The following TMED1 variants were observed in gnomAD, a reference collection of about 807,000 sequenced individuals.
The protein encoded by TMED1 is transmembrane emp24 domain-containing protein 1.
In TMED1, 20 loss-of-function variants were observed where a neutral mutation model predicts 21.2. The observed-to-expected ratio is 0.95, with a 90% confidence interval of 0.67 to 1.37. The LOEUF (loss-of-function observed/expected upper bound fraction) is 1.37. Among genes scored for constraint, TMED1 ranks in the 40% most tolerant of loss-of-function variants. The probability of loss-of-function intolerance (pLI) is 0.00; values close to 1 mark genes in which losing one functional copy is unlikely to be tolerated. For missense variants in TMED1, 316 were observed against 309.8 expected (o/e 1.02, Z -0.15); for synonymous variants, 149 against 134.7 (o/e 1.11, Z -0.74).
Position 10,833,046 on chromosome 19 carries a change from C to G in TMED1, c.633G>C (p.Gln211His). The change falls in exon 4 of 4, where the codon CAG becomes CAC. Residue 211 changes from glutamine to histidine, a missense_variant. Transcript: ENST00000214869. ...VAVLLLVAVL[Q>H]VCTLKRFFQD... ...GGAAGAAGCGCTTGAGCGTGCAGAC[C>G]TGCAGCACAGCCACCAGCAGCAGCA... 6.2e-7 allele frequency: 1 copy of G among 1,613,880 alleles called. No individual in the cohort carries two copies. The highest frequency in any genetic ancestry group is 8.5e-7 in the Non-Finnish European group (1 of 1,180,048).
In TMED1 at chr19:10,833,221, G is replaced by T. The variant is rs1225882799; in HGVS notation, c.466-8C>A. ...CATGGTCTCAATGGACTCCTACAGG[G>T]CAGCGGGAGGGGAAGGGTCAGGCCT... On this transcript the variant is annotated splice_polypyrimidine_tract_variant and splice_region_variant and intron_variant, in intron 3 of 3. Transcript: ENST00000214869. 1 of 1,605,668 alleles carries T rather than the reference G, an allele frequency of 6.2e-7. No individual in the cohort carries two copies. The highest frequency in any genetic ancestry group is 2.2e-5 in the East Asian group (1 of 44,500).
intron 3 of TMED1, 119 bp from the exon 4 acceptor site, chr19:10,833,332 C>G (rs202192120): frequency 3.7e-6 from 3 of 810,378 alleles, no homozygotes; most frequent in East Asian, 5.4e-5. Flanking sequence ...CAGCTGCAAA[C>G]ACAGACTTGT....
At chr19:10,835,433 A>C in intron 1 of TMED1, 80 bp from the exon 2 acceptor site, 1 of 1,581,342 alleles carries the variant, frequency 6.3e-7, no homozygotes, top group Non-Finnish European at 8.6e-7. Flanking sequence ...CTGAACCAAC[A>C]CTGATCAATA....
rs1599650188 is a variant in TMED1, at chr19:10,836,171, G to T, written c.21C>A (p.Ala7=). ...TTAGTAGCCACAAGGCCAGGGCTAG[G>T]GCCGCGCCGGCCGCCATCATCCGGG... MMAAGA[A]LALALWLLMP... The change falls in exon 1 of 4, where the codon GCC becomes GCA. Residue 7 remains alanine (A), a synonymous_variant. Transcript: ENST00000214869. The T allele has an allele frequency of 6.4e-6, 10 of 1,553,794 alleles. No individual in the cohort carries two copies. The highest frequency in any genetic ancestry group is 8.7e-6 in the Non-Finnish European group (10 of 1,152,686).
chr19:10,835,632 C>T, intron 1 of TMED1: 1 of 1,410,174 alleles, frequency 7.1e-7, no homozygotes, highest in Non-Finnish European at 9.2e-7. Context: ...GCTCCGCCTC[C>T]GAAAGAGGAT....
chr19:10,836,110 G>A lies in TMED1; in HGVS notation c.82C>T (p.Pro28Ser), dbSNP rs748799774. 1 of 1,579,412 alleles carries A rather than the reference G, an allele frequency of 6.3e-7. No individual in the cohort carries two copies. The highest frequency in any genetic ancestry group is 8.6e-7 in the Non-Finnish European group (1 of 1,164,678). Residue 28 changes from proline to serine, a missense_variant, in exon 1 of 4, where the codon CCA becomes TCA. Coordinates refer to ENST00000214869, the MANE Select transcript of TMED1 (RefSeq NM_006858.4). Reference protein sequence around the residue: ...PVEVGGAGPPPIQDGEFTFLL... With the variant: ...PVEVGGAGPPSIQDGEFTFLL... Reference sequence around the variant, plus strand: ...AACGTGAACTCACCGTCCTGGATTGGCGGGGGCCCCGCCCCTCCCACCTCC... The same window carrying A: ...AACGTGAACTCACCGTCCTGGATTGACGGGGGCCCCGCCCCTCCCACCTCC...
chr19:10,833,202 C>T lies in TMED1; in HGVS notation c.477G>A (p.Glu159=), dbSNP rs2073381078. 2 of 1,612,696 alleles carry T rather than the reference C, an allele frequency of 1.2e-6. No individual in the cohort carries two copies. The highest frequency in any genetic ancestry group is 2.7e-5 in the African/African-American group (2 of 74,976). Residue 159 remains glutamate (E), a synonymous_variant, in exon 4 of 4, where the codon GAG becomes GAA. Transcript: ENST00000214869. ...TGCGCTCCAGCCGGGTCCGCATGGT[C>T]TCAATGGACTCCTACAGGGCAGCGG... ...VKMEDIKESI[E]TMRTRLERSI... is the part of the protein sequence containing the mutation.
In TMED1 at chr19:10,836,180, GGCC is replaced by G. The variant is rs750381064; in HGVS notation, c.9_11del (p.Ala4del). 51 of 1,551,626 alleles carry G rather than the reference GGCC, an allele frequency of 3.3e-5. No homozygotes were observed. The highest frequency in any genetic ancestry group is 4.3e-5 in the Non-Finnish European group (49 of 1,151,904). ...ACAAGGCCAGGGCTAGGGCCGCGCC[GGCC>G]GCCATCATCCGGGTCACCCTCTGGT... On this transcript the variant is annotated inframe_deletion, in exon 1 of 4. Transcript: ENST00000214869.
chr19:10,835,709 A>G, intron 1 of TMED1: 1 of 1,392,852 alleles, frequency 7.2e-7, no homozygotes, highest in South Asian at 1.7e-5. Context: ...CCCGCAGTTG[A>G]CCTATCAGCA....
At position 10,836,116 on chromosome 19, in the gene TMED1, G is replaced by A. The variant is rs202141597; in HGVS notation, c.76C>T (p.Pro26Ser). ...AACTCACCGTCCTGGATTGGCGGGG[G>A]CCCCGCCCCTCCCACCTCCACTGGT... ...MPPVEVGGAGPPPIQDGEFTF... is the reference protein window; with the variant it reads ...MPPVEVGGAGSPPIQDGEFTF... Residue 26 changes from proline to serine, a missense_variant, in exon 1 of 4, where the codon CCC becomes TCC. Transcript: ENST00000214869. 8.6e-5 allele frequency: 136 copies of A among 1,576,140 alleles called. 1 individual carries two copies. The African/African-American group carries it at 1.7e-3, about 19-fold the overall frequency.
chr19:10,832,971 C>A lies in TMED1; in HGVS notation c.*24G>T. 1 of 1,607,142 alleles carries A rather than the reference C, an allele frequency of 6.2e-7. No homozygotes were observed. Reference sequence around the variant, plus strand: ...CACACCCTGCTGCCCCTCCTTTGTCCCGTTCTTCCTTCCATGGCAGGGGCT... The same window carrying A: ...CACACCCTGCTGCCCCTCCTTTGTCACGTTCTTCCTTCCATGGCAGGGGCT... On this transcript the variant is annotated 3_prime_UTR_variant, in exon 4 of 4. Transcript: ENST00000214869.
In TMED1 at chr19:10,835,910, G is replaced by A. The variant is rs1392180312; in HGVS notation, c.183+99C>T. The A allele has an allele frequency of 1.1e-5, 16 of 1,449,138 alleles. No homozygotes were observed. The South Asian group carries it at 1.7e-4, about 15-fold the overall frequency. The allele number at this position is 1,449,138 out of a possible 1,614,324, so 89.8% of individuals were successfully genotyped here. On this transcript the variant is annotated intron_variant, in intron 1 of 3. Transcript: ENST00000214869. Reference sequence around the variant, plus strand: ...GCTCCGCCCCCGCGCTCCCAAGCACGGATTCCTCCCCCTTCCTCCTAAAGC... The same window carrying A: ...GCTCCGCCCCCGCGCTCCCAAGCACAGATTCCTCCCCCTTCCTCCTAAAGC...
chr19:10,834,488 T>C (rs1365672705), intron 3 of TMED1, among the ~76,000 whole-genome samples: 1 of 150,784 alleles, frequency 6.6e-6, no homozygotes, highest in Non-Finnish European at 1.5e-5. Context: ...AGACGGAGTT[T>C]TGCTCTTATT....
At position 10,833,123 on chromosome 19, in the gene TMED1, G is replaced by A. The variant is rs1428028632; in HGVS notation, c.556C>T (p.Gln186Ter). The A allele has an allele frequency of 1.9e-6, 3 of 1,614,048 alleles. No individual in the cohort carries two copies. Among genetic ancestry groups the A allele is most frequent in the Non-Finnish European group, 2.5e-6 (3 of 1,180,042 alleles). ...RAFEARDRNL[Q>*]EGNLERVNFW... ...TTGACCCGCTCCAAGTTGCCCTCTT[G>A]CAGGTTGCGGTCACGTGCCTCGAAG... The change falls in exon 4 of 4, where the codon CAA becomes TAA. Residue 186 changes from glutamine to a stop codon, truncating the protein, a stop_gained. Transcript: ENST00000214869. LOFTEE classifies it high-confidence loss of function.
intron 1 of TMED1, 68 bp downstream of exon 1, chr19:10,835,941 T>TCGCCTCGACCGCTTGGCCA: frequency 6.7e-7 from 1 of 1,484,592 alleles, no homozygotes; most frequent in Non-Finnish European, 9.0e-7. Context: ...AAAGCGCGCC[T>TCGCCTCGACCGCTTGGCCA]CGCCTCGACC....
chr19:10,835,271 G>A lies in TMED1; in HGVS notation c.266C>T (p.Ala89Val). The change falls in exon 2 of 4, where the codon GCT becomes GTT. Residue 89 changes from alanine (A) to valine (V), a missense_variant. Physicochemically the swap from Ala to Val is moderately conservative, Grantham distance 64 (BLOSUM62 0). Transcript: ENST00000214869. Reference sequence around the variant, plus strand: ...CTGAACTCACGTGTGTACCCCATCAGCCTTGCGGGACTCGCTGACCAACAG... The same window carrying A: ...CTGAACTCACGTGTGTACCCCATCAACCTTGCGGGACTCGCTGACCAACAG... ...GVLLVSESRK[A>V]DGVHTVEPTE... 6.2e-7 allele frequency: 1 copy of A among 1,614,128 alleles called. No individual in the cohort carries two copies. The highest frequency in any genetic ancestry group is 1.6e-4 in the Middle Eastern group (1 of 6,062).
At chr19:10,835,666 T>A in intron 1 of TMED1, 1 of 1,392,606 alleles carries the variant, frequency 7.2e-7, no homozygotes. Flanking sequence ...TTCCTTAGTC[T>A]AACCCCCGAG....
At position 10,832,982 on chromosome 19, in the gene TMED1, TC is replaced by T; in HGVS notation, c.*12del. ...GCCCCTCCTTTGTCCCGTTCTTCCT[TC>T]CATGGCAGGGGCTACGTGGGCACCG... On this transcript the variant is annotated 3_prime_UTR_variant, in exon 4 of 4. Coordinates refer to ENST00000214869, the MANE Select transcript of TMED1 (RefSeq NM_006858.4). The T allele has an allele frequency of 6.2e-7, 1 of 1,609,874 alleles. No individual in the cohort carries two copies. Among genetic ancestry groups the T allele is most frequent in the Non-Finnish European group, 8.5e-7 (1 of 1,179,510 alleles).
At chr19:10,835,409 G>A in intron 1 of TMED1, 56 bp from the exon 2 acceptor site, 3 of 1,604,280 alleles carry the variant, frequency 1.9e-6, no homozygotes, top group East Asian at 2.2e-5. Flanking sequence ...GGCGCCTGCC[G>A]AAGAGGGCTA....
Sources: gnomAD v4.1 joint callset for allele counts (sites outside exome capture counted in the v4.1 genomes callset) on GRCh38, gnomAD v4.1.1 for gene constraint, MANE v1.5 for transcripts, NCBI Gene and HGNC (gene_info 2026-07-23, HGNC 2026-07-21) for gene names.